ANAPC10: variants seen among roughly 807,000 people sequenced by gnomAD.
ANAPC10 encodes anaphase promoting complex subunit 10.
Under a neutral mutation model 22.0 loss-of-function variants are expected in ANAPC10, and 12 were observed. The observed-to-expected ratio is 0.55, with a 90% CI of 0.35 to 0.88. ANAPC10 has a LOEUF of 0.88. ANAPC10 is among the 40% of genes least tolerant of loss of function. ANAPC10 has a pLI of 0.01. For missense variants in ANAPC10, 188 were observed against 220.9 expected (o/e 0.85, Z 0.94); for synonymous variants, 65 against 69.5 (o/e 0.94, Z 0.32).
rs964248069 is a variant in ANAPC10, at chr4:145,058,082, C to A, written c.327+6490G>T. 2.6e-5 allele frequency among the ~76,000 whole-genome samples: 4 copies of A among 152,212 alleles called. No homozygotes were observed. In the East Asian group the frequency reaches 5.8e-4, roughly 22 times the overall value. On this transcript the variant is annotated intron_variant, in intron 4 of 4. Transcript: ENST00000507656. ...ATCTGACTATACATTTTCACTGAAA[C>A]AATTATATACTATATTTATTTCCCT...
chr4:145,004,618 A>C (rs1578872069), intron 4 of ANAPC10, among the ~76,000 whole-genome samples: 2 of 152,056 alleles, frequency 1.3e-5, no homozygotes, highest in East Asian at 3.9e-4. Context: ...TTTTGTTTTC[A>C]GTTGTTTATG....
chr4:145,028,059 G>A (rs1737012239), intron 4 of ANAPC10, among the ~76,000 whole-genome samples: 1 of 152,188 alleles, frequency 6.6e-6, no homozygotes, highest in Non-Finnish European at 1.5e-5. Context: ...TGGGGAGGGA[G>A]CCAGGGGAAG....
intron 4 of ANAPC10, among the ~76,000 whole-genome samples, chr4:145,039,519 T>C (rs1045474086): frequency 1.3e-5 from 2 of 152,244 alleles, no homozygotes; most frequent in African/African-American, 4.8e-5. Context: ...GGAAGCACTT[T>C]TTCTTTGGCA....
chr4:145,016,542 T>A (rs1429343606), intron 4 of ANAPC10, among the ~76,000 whole-genome samples: 1 of 152,222 alleles, frequency 6.6e-6, no homozygotes, highest in African/African-American at 2.4e-5. Flanking sequence ...ATGGCCATAT[T>A]GCCCAAGGTA....
At chr4:145,046,396 C>T (rs1351143225) in intron 4 of ANAPC10, among the ~76,000 whole-genome samples, 3 of 152,022 alleles carry the variant, frequency 2.0e-5, no homozygotes, top group Non-Finnish European at 4.4e-5. Context: ...ATAAAGTCAG[C>T]TTTACTTTTT....
Position 145,095,971 on chromosome 4 carries a change from TTG to T in ANAPC10, c.115+12_115+13del. 1 of 1,614,022 alleles carries T rather than the reference TTG, an allele frequency of 6.2e-7. No homozygotes were observed. The highest frequency in any genetic ancestry group is 8.5e-7 in the Non-Finnish European group (1 of 1,179,916). ...TGACTATTTCCAACAGCTTTTTTGT[TTG>T]TTAGTTTTTACCTGGTTTGCAAGAT... On this transcript the variant is annotated intron_variant, in intron 2 of 4. Coordinates refer to ENST00000507656, the MANE Select transcript of ANAPC10 (RefSeq NM_001256706.2).
rs181886101 is a variant in ANAPC10, at chr4:145,086,975, T to C, written c.116-5225A>G. On this transcript the variant is annotated intron_variant, in intron 2 of 4. Transcript: ENST00000507656. Reference sequence around the variant, plus strand: ...GGATACGATTCTGCACTCCAGTCAATAACGGGGCTAAATCATGACTTACTT... The same window carrying C: ...GGATACGATTCTGCACTCCAGTCAACAACGGGGCTAAATCATGACTTACTT... Among the ~76,000 whole-genome samples, 10 of 151,966 alleles carry C rather than the reference T, an allele frequency of 6.6e-5. No homozygotes were observed. In the East Asian group the frequency reaches 1.9e-3, roughly 30 times the overall value.
chr4:145,011,027 T>C (rs1219041146), intron 4 of ANAPC10, among the ~76,000 whole-genome samples: 2 of 152,012 alleles, frequency 1.3e-5, no homozygotes, highest in African/African-American at 4.8e-5. Flanking sequence ...TTTTAAAATG[T>C]CTCTTTTAAA....
intron 4 of ANAPC10, among the ~76,000 whole-genome samples, chr4:145,050,527 G>GA (rs1191264018): frequency 4.6e-5 from 7 of 152,218 alleles, no homozygotes; most frequent in African/African-American, 1.7e-4. Context: ...GCCAGGCATT[G>GA]ACTTCTCCTC....
intron 4 of ANAPC10, among the ~76,000 whole-genome samples, chr4:145,008,839 G>T (rs1392707376): frequency 6.6e-6 from 1 of 152,062 alleles, no homozygotes; most frequent in East Asian, 1.9e-4. Context: ...TTCTGGCCAG[G>T]GCAATCAGGC....
chr4:145,003,278 A>G (rs1003496871), intron 4 of ANAPC10, among the ~76,000 whole-genome samples: 1 of 151,976 alleles, frequency 6.6e-6, no homozygotes, highest in African/African-American at 2.4e-5. Context: ...TAAAAAATCT[A>G]CTCTACTACT....
chr4:145,041,506 G>A lies in ANAPC10; in HGVS notation c.327+23066C>T, dbSNP rs34471754. ...AAATGGCTGTATGCCAGGTTGCCCTGTGAAGAATTAGGCTTCTTGGCAATC... is the reference window on the plus strand; with the variant it reads ...AAATGGCTGTATGCCAGGTTGCCCTATGAAGAATTAGGCTTCTTGGCAATC... On this transcript the variant is annotated intron_variant, in intron 4 of 4. Coordinates refer to ENST00000507656, the MANE Select transcript of ANAPC10 (RefSeq NM_001256706.2). Among the ~76,000 whole-genome samples, 65 of 152,352 alleles carry A rather than the reference G, an allele frequency of 4.3e-4. No individual in the cohort carries two copies. In the East Asian group the frequency reaches 0.012, roughly 28 times the overall value.
Position 145,054,811 on chromosome 4 carries a change from G to C in ANAPC10, c.327+9761C>G, listed in dbSNP as rs182209749. On this transcript the variant is annotated intron_variant, in intron 4 of 4. Coordinates refer to ENST00000507656, the MANE Select transcript of ANAPC10 (RefSeq NM_001256706.2). ...TAAGAGACCCCAGCCACTTGCTCAA[G>C]TTTATTGTTCTTTCTCCTTGTTATG... Among the ~76,000 whole-genome samples the C allele has an allele frequency of 4.9e-3, 742 of 152,026 alleles. 27 individuals are homozygous for C. The highest frequency in any genetic ancestry group is 0.043 in the Admixed American group (660 of 15,256).
At chr4:145,026,920 C>CATATATATATATATAT (rs150548781) in intron 4 of ANAPC10, among the ~76,000 whole-genome samples, 4 of 17,012 alleles carry the variant, frequency 2.4e-4, no homozygotes, top group African/African-American at 5.0e-4. Context: ...CCTATACATA[C>CATATATATATATATAT]ATATATATAT....
chr4:145,093,620 A>T (rs1748049568), intron 2 of ANAPC10, among the ~76,000 whole-genome samples: 1 of 152,096 alleles, frequency 6.6e-6, no homozygotes, highest in South Asian at 2.1e-4. Context: ...AACAGACAGG[A>T]ATTTCAATAG....
intron 4 of ANAPC10, among the ~76,000 whole-genome samples, chr4:145,026,306 A>G (rs2127018115): frequency 6.6e-6 from 1 of 152,374 alleles, no homozygotes; most frequent in African/African-American, 2.4e-5. Flanking sequence ...GTTGGAATAT[A>G]TCAGTGAAAC....
chr4:145,055,644 A>C (rs1324738823), intron 4 of ANAPC10, among the ~76,000 whole-genome samples: 1 of 152,170 alleles, frequency 6.6e-6, no homozygotes, highest in East Asian at 1.9e-4. Context: ...TGCTAAGTGA[A>C]GTAAGCTAGT....
In ANAPC10 at chr4:145,014,745, C is replaced by T. The variant is rs542390325; in HGVS notation, c.328-19142G>A. 3.9e-5 allele frequency among the ~76,000 whole-genome samples: 6 copies of T among 152,288 alleles called. No individual in the cohort carries two copies. In the South Asian group the frequency reaches 8.3e-4, roughly 21 times the overall value. ...TATCCATGGCTGAGAGACCCACAGACGGTTCACATCACAGGACTCTGTGCA... is the reference window on the plus strand; with the variant it reads ...TATCCATGGCTGAGAGACCCACAGATGGTTCACATCACAGGACTCTGTGCA... On this transcript the variant is annotated intron_variant, in intron 4 of 4. Transcript: ENST00000507656.
intron 4 of ANAPC10, among the ~76,000 whole-genome samples, chr4:145,011,121 C>G (rs996173127): frequency 1.2e-4 from 18 of 152,010 alleles, no homozygotes; most frequent in African/African-American, 3.9e-4. Flanking sequence ...CACCCGAGGT[C>G]AGGAGTTCGA....
Sources: allele counts gnomAD v4.1 joint callset (sites outside exome capture counted in the v4.1 genomes callset), GRCh38; gene constraint gnomAD v4.1.1; transcripts MANE v1.5; gene names NCBI Gene and HGNC (gene_info 2026-07-23, HGNC 2026-07-21).